The following NUP188 variants were observed in gnomAD, a reference collection of about 807,000 sequenced individuals.
NUP188 encodes the protein nucleoporin NUP188.
NUP188 carries 97 observed loss-of-function variants against 223.0 expected under a neutral mutation model. The ratio of observed to expected loss-of-function variants is 0.43; its 90% CI spans 0.37 to 0.51. NUP188 has a LOEUF of 0.51. NUP188 is among the 20% of genes least tolerant of loss of function. The probability of loss-of-function intolerance (pLI) is 0.00; values close to 1 mark genes in which losing one functional copy is unlikely to be tolerated. For synonymous variants in NUP188, 869 were observed against 828.0 expected (o/e 1.05, Z -0.85); for missense variants, 1,947 against 2,175.6 (o/e 0.89, Z 2.09).
intron 36 of NUP188, 41 bp downstream of exon 36, chr9:129,002,017 C>T (rs762075536): frequency 6.6e-7 from 1 of 1,511,512 alleles, no homozygotes; most frequent in Non-Finnish European, 9.2e-7. Flanking sequence ...GCCTGACCAC[C>T]CTACAGTTCC....
At chr9:128,988,017 A>G (rs1433832186) in intron 23 of NUP188, 30 bp from the exon 24 acceptor site, 2 of 1,612,026 alleles carry the variant, frequency 1.2e-6, no homozygotes, top group Non-Finnish European at 8.5e-7. Context: ...TACTGTCTGA[A>G]TCATCTTTGG....
intron 1 of NUP188, 31 bp downstream of exon 1, chr9:128,947,782 C>A: frequency 7.2e-7 from 1 of 1,388,804 alleles, no homozygotes. Context: ...ACCGGGGTGG[C>A]TGTGAAGCGC....
intron 2 of NUP188, among the ~76,000 whole-genome samples, chr9:128,950,120 G>C (rs544286070): frequency 6.7e-6 from 1 of 150,224 alleles, no homozygotes; most frequent in African/African-American, 2.5e-5. Context: ...ACAGGGTTTT[G>C]CCATGTTGGC....
Position 128,968,591 on chromosome 9 carries a change from A to G in NUP188, c.671A>G (p.Tyr224Cys). 6.2e-7 allele frequency: 1 copy of G among 1,614,072 alleles called. No homozygotes were observed. The highest frequency in any genetic ancestry group is 8.5e-7 in the Non-Finnish European group (1 of 1,179,950). The change falls in exon 9 of 44, where the codon TAC becomes TGC. Residue 224 changes from tyrosine to cysteine, a missense_variant. By Grantham distance (194) the Tyr-to-Cys change is radical (BLOSUM62 -2). Transcript: ENST00000372577. ...GAAATTATTTTCCTTTATTATGCAT[A>G]CTTTGAGATGGCACCCAGTGACTTA... is the stretch of plus-strand genomic sequence containing the variant. ...LLEIIFLYYA[Y>C]FEMAPSDLLV...
intron 8 of NUP188, among the ~76,000 whole-genome samples, chr9:128,960,427 T>C (rs1841932240): frequency 2.0e-5 from 3 of 152,174 alleles, no homozygotes; most frequent in African/African-American, 7.2e-5. Flanking sequence ...TGACCTTGTT[T>C]GTTTTAAAAA....
Position 128,947,744 on chromosome 9 carries a change from T to C in NUP188, c.25T>C (p.Cys9Arg). 1 of 1,466,128 alleles carries C rather than the reference T, an allele frequency of 6.8e-7. No homozygotes were observed. The highest frequency in any genetic ancestry group is 9.0e-7 in the Non-Finnish European group (1 of 1,111,216). The allele number at this position is 1,466,128 out of a possible 1,614,324, so 90.8% of individuals were successfully genotyped here. Residue 9 changes from cysteine to arginine, a missense_variant, in exon 1 of 44, where the codon TGT (cysteine) becomes CGT (arginine). Transcript: ENST00000372577. MAAAAGGP[C>R]VRSSRELWTI... Reference sequence around the variant, plus strand: ...GATGGCGGCGGCCGCCGGCGGGCCGTGTGTGAGGTGCGGAGCGGGTCGAAT... The same window carrying C: ...GATGGCGGCGGCCGCCGGCGGGCCGCGTGTGAGGTGCGGAGCGGGTCGAAT...
At chr9:128,986,991 A>T in intron 22 of NUP188, 116 bp downstream of exon 22, 2 of 797,914 alleles carry the variant, frequency 2.5e-6, no homozygotes, top group Non-Finnish European at 4.1e-6. Flanking sequence ...CCCAGAACTC[A>T]GTAATCTTGA....
rs777752283 is a variant in NUP188, at chr9:128,982,974, C to T, written c.1742C>T (p.Ser581Leu). The T allele has an allele frequency of 1.3e-5, 21 of 1,614,068 alleles. No individual in the cohort carries two copies. The Admixed American group carries it at 2.2e-4, about 17-fold the overall frequency. ...LVHKVISTDLSIADCLLPITS... is the reference protein window; with the variant it reads ...LVHKVISTDLLIADCLLPITS... ...CATAAGGTCATCAGTACAGACCTGT[C>T]GATAGCAGACTGTCTCCTGCCCATC... The change falls in exon 17 of 44, where the codon TCG becomes TTG. Residue 581 changes from serine to leucine, a missense_variant. By Grantham distance (145) the Ser-to-Leu change is moderately radical. This residue lies in a region of NUP188 where 817 missense variants were observed against 865.8 expected (regional missense o/e 0.94). Coordinates refer to ENST00000372577, the MANE Select transcript of NUP188 (RefSeq NM_015354.3).
At chr9:128,953,217 T>G (rs1841820395) in intron 3 of NUP188, among the ~76,000 whole-genome samples, 2 of 152,208 alleles carry the variant, frequency 1.3e-5, no homozygotes, top group Non-Finnish European at 2.9e-5. Flanking sequence ...GTTAACTATG[T>G]AACAATTAAT....
chr9:128,994,502 C>T (rs376467446), intron 28 of NUP188, 60 bp downstream of exon 28: 10 of 1,158,278 alleles, frequency 8.6e-6, no homozygotes, highest in Non-Finnish European at 1.3e-5. Context: ...AGGCTGTGGG[C>T]TGTGAGATGG....
chr9:128,950,282 C>T (rs1564548000), intron 2 of NUP188, among the ~76,000 whole-genome samples: 1 of 152,070 alleles, frequency 6.6e-6, no homozygotes, highest in African/African-American at 2.4e-5. Flanking sequence ...AGTGCAGTGG[C>T]ACGATCTTGG....
chr9:128,999,845 G>T (rs760924928), intron 34 of NUP188, 40 bp downstream of exon 34: 1 of 1,588,004 alleles, frequency 6.3e-7, no homozygotes, highest in Non-Finnish European at 8.6e-7. Context: ...CCTTTCCACT[G>T]CCCGCCAGCT....
At chr9:128,994,265 G>T (rs775780169) in intron 27 of NUP188, 108 bp from the exon 28 acceptor site, 4 of 765,178 alleles carry the variant, frequency 5.2e-6, no homozygotes, top group African/African-American at 1.7e-5. Flanking sequence ...CACATATTAG[G>T]ATTGAGACTG....
At chr9:128,994,996 C>A in intron 29 of NUP188, 73 bp downstream of exon 29, 2 of 1,142,798 alleles carry the variant, frequency 1.8e-6, no homozygotes, top group Non-Finnish European at 2.7e-6. Flanking sequence ...CCACTGGGTG[C>A]ATGGCTGGAA....
At chr9:128,994,251 C>G in intron 27 of NUP188, 122 bp from the exon 28 acceptor site, 1 of 704,170 alleles carries the variant, frequency 1.4e-6, no homozygotes, top group Non-Finnish European at 2.6e-6. Flanking sequence ...ACTGACTTAT[C>G]AGACACATAT....
intron 19 of NUP188, among the ~76,000 whole-genome samples, chr9:128,984,317 T>TG (rs1842301286): frequency 6.6e-6 from 1 of 151,642 alleles, no homozygotes; most frequent in Non-Finnish European, 1.5e-5. Flanking sequence ...GTAGAGATAG[T>TG]GTTTCACCGT....
intron 23 of NUP188, 41 bp from the exon 24 acceptor site, chr9:128,988,006 A>G: frequency 6.2e-7 from 1 of 1,608,268 alleles, no homozygotes; most frequent in South Asian, 1.1e-5. Context: ...GAATGAAGTC[A>G]TACTGTCTGA....
intron 20 of NUP188, 97 bp downstream of exon 20, chr9:128,985,111 C>G: frequency 1.2e-6 from 1 of 823,380 alleles, no homozygotes; most frequent in Non-Finnish European, 2.0e-6. Flanking sequence ...GTGCTGTAAT[C>G]TTCTTGTCTG....
At chr9:128,956,641 G>C (rs561660716) in intron 4 of NUP188, among the ~76,000 whole-genome samples, 1 of 152,166 alleles carries the variant, frequency 6.6e-6, no homozygotes, top group African/African-American at 2.4e-5. Context: ...TTCTTCACCA[G>C]ACATGTGGTG....
Sources: gnomAD v4.1 joint callset for allele counts (sites outside exome capture counted in the v4.1 genomes callset) on GRCh38, gnomAD v4.1.1 for gene constraint, gnomAD v4.1.1 regional missense constraint, MANE v1.5 for transcripts, NCBI Gene and HGNC (gene_info 2026-07-23, HGNC 2026-07-21) for gene names.